The following SYT14 variants were observed in gnomAD, a reference collection of about 807,000 sequenced individuals.
SYT14 encodes the protein synaptotagmin-14.
A neutral mutation model predicts 74.2 loss-of-function variants in SYT14; 32 were observed. That is an observed-to-expected ratio of 0.43 (90% CI 0.33 to 0.58). SYT14 has a LOEUF of 0.58. SYT14 is among the 20% of genes least tolerant of loss of function. The pLI is 0.05. For synonymous variants in SYT14, 298 were observed against 337.7 expected (o/e 0.88, Z 1.29); for missense variants, 791 against 981.8 (o/e 0.81, Z 2.60).
chr1:210,125,586 C>T (rs550876257), intron 7 of SYT14, among the ~76,000 whole-genome samples: 1 of 152,234 alleles, frequency 6.6e-6, no homozygotes, highest in African/African-American at 2.4e-5. Context: ...TTTCAGTGTT[C>T]TAGGAGTCAT....
chr1:209,950,308 T>C (rs2078892178), intron 1 of SYT14, among the ~76,000 whole-genome samples: 1 of 152,188 alleles, frequency 6.6e-6, no homozygotes, highest in South Asian at 2.1e-4. Flanking sequence ...TAATACATTA[T>C]AGTTATGTTA....
chr1:210,106,579 C>T (rs570613831), intron 7 of SYT14, among the ~76,000 whole-genome samples: 1 of 152,138 alleles, frequency 6.6e-6, no homozygotes, highest in East Asian at 1.9e-4. Context: ...GGAGAAGTGC[C>T]AAGGAAAAGG....
chr1:210,094,121 T>C (rs2081926345), intron 5 of SYT14, among the ~76,000 whole-genome samples: 1 of 152,216 alleles, frequency 6.6e-6, no homozygotes, highest in East Asian at 1.9e-4. Flanking sequence ...AATCTTATTA[T>C]GCAGGAGGCA....
chr1:210,026,307 T>C (rs1032397937), intron 5 of SYT14, among the ~76,000 whole-genome samples: 1 of 152,128 alleles, frequency 6.6e-6, no homozygotes, highest in African/African-American at 2.4e-5. Flanking sequence ...ATTTAATTGA[T>C]GAGCTAGACC....
chr1:210,160,021 C>G (rs1469186953), intron 9 of SYT14, among the ~76,000 whole-genome samples: 1 of 152,112 alleles, frequency 6.6e-6, no homozygotes, highest in Non-Finnish European at 1.5e-5. Context: ...AAAAAACAAT[C>G]CTATAGTATT....
At chr1:209,980,377 T>G (rs1322595327) in intron 2 of SYT14, among the ~76,000 whole-genome samples, 1 of 152,202 alleles carries the variant, frequency 6.6e-6, no homozygotes, top group Non-Finnish European at 1.5e-5. Context: ...ATTGCAAAAT[T>G]TTCTCCTGTT....
At position 210,071,079 on chromosome 1, in the gene SYT14, A is replaced by G. The variant is rs141054490; in HGVS notation, c.1313-23243A>G. Among the ~76,000 whole-genome samples the G allele has an allele frequency of 5.3e-5, 8 of 151,734 alleles. No individual in the cohort carries two copies. In the East Asian group the frequency reaches 1.5e-3, roughly 29 times the overall value. ...AAGCCTAGTAATACCATTTTTTACT[A>G]TTTTTATGGTTTCTACTTAGAAACA... On this transcript the variant is annotated intron_variant, in intron 5 of 9. Coordinates refer to ENST00000637265, the Ensembl canonical transcript of SYT14.
chr1:209,986,640 A>G (rs1483450600), intron 2 of SYT14, among the ~76,000 whole-genome samples: 1 of 151,896 alleles, frequency 6.6e-6, no homozygotes. Context: ...CTTCCGCCAG[A>G]TACCTTAAAT....
At chr1:210,128,248 A>AT (rs1303614213) in intron 7 of SYT14, among the ~76,000 whole-genome samples, 2 of 151,390 alleles carry the variant, frequency 1.3e-5, no homozygotes, top group African/African-American at 2.4e-5. Context: ...ATGGTGACAC[A>AT]TGCCTGTGGT....
chr1:210,169,077 T>G (rs929629271), exon 10 of SYT14: 4 of 152,078 alleles, frequency 2.6e-5, no homozygotes, highest in Non-Finnish European at 5.9e-5. Flanking sequence ...ATTTTAAATT[T>G]TACAGGAAGC....
At chr1:210,078,953 C>G (rs1261598487) in intron 5 of SYT14, among the ~76,000 whole-genome samples, 1 of 151,796 alleles carries the variant, frequency 6.6e-6, no homozygotes, top group Non-Finnish European at 1.5e-5. Context: ...CGAGTTTTCA[C>G]CGTGTTTCCC....
intron 5 of SYT14, among the ~76,000 whole-genome samples, chr1:210,060,227 C>A (rs1024639925): frequency 6.6e-6 from 1 of 152,094 alleles, no homozygotes; most frequent in Non-Finnish European, 1.5e-5. Context: ...GTCACAGGCT[C>A]ACGTTTCCTT....
At chr1:210,021,207 T>C in exon 5 of SYT14, 2 of 1,614,068 alleles carry the variant, frequency 1.2e-6, no homozygotes, top group Non-Finnish European at 1.7e-6. Context: ...TACAGTCCTC[T>C]ATCGGCAGAG....
intron 5 of SYT14, among the ~76,000 whole-genome samples, chr1:210,068,102 A>G (rs149189550): frequency 6.6e-6 from 1 of 152,042 alleles, no homozygotes; most frequent in East Asian, 1.9e-4. Context: ...TATTGAATTA[A>G]GGAAATTCCC....
exon 4 of SYT14, chr1:210,015,983 T>C: frequency 8.1e-7 from 1 of 1,231,946 alleles, no homozygotes; most frequent in Non-Finnish European, 1.0e-6. Flanking sequence ...ATTGCACCTT[T>C]TAGGAACAAG....
intron 5 of SYT14, among the ~76,000 whole-genome samples, chr1:210,029,230 A>G (rs998620184): frequency 6.6e-6 from 1 of 151,962 alleles, no homozygotes; most frequent in Non-Finnish European, 1.5e-5. Flanking sequence ...GGCATTTTTT[A>G]CTCTATTGAT....
At chr1:209,998,768 T>C (rs774229897) in intron 2 of SYT14, among the ~76,000 whole-genome samples, 2 of 151,960 alleles carry the variant, frequency 1.3e-5, no homozygotes, top group African/African-American at 2.4e-5. Context: ...ACTGTACTCC[T>C]CTCTCACCAT....
intron 2 of SYT14, among the ~76,000 whole-genome samples, chr1:209,978,877 T>C (rs1409952733): frequency 6.6e-6 from 1 of 152,196 alleles, no homozygotes; most frequent in East Asian, 1.9e-4. Context: ...CAGGCCCCTT[T>C]GTTTACCTAC....
rs551150697 is a variant in SYT14, at chr1:210,055,793, G to A, written c.1312+34539G>A. Among the ~76,000 whole-genome samples, 8 of 150,988 alleles carry A rather than the reference G, an allele frequency of 5.3e-5. No homozygotes were observed. In the East Asian group the frequency reaches 1.2e-3, roughly 22 times the overall value. On this transcript the variant is annotated intron_variant, in intron 5 of 9. Coordinates refer to ENST00000637265, the Ensembl canonical transcript of SYT14. ...GAACTCGAAATTAAAAAAAAAAAAA[G>A]GATTGTCTCCCATATAAAAAGTTAA... is the stretch of plus-strand genomic sequence containing the variant.
Sources: allele counts gnomAD v4.1 joint callset (sites outside exome capture counted in the v4.1 genomes callset), GRCh38; gene constraint gnomAD v4.1.1; transcripts MANE v1.5; gene names NCBI Gene and HGNC (gene_info 2026-07-23, HGNC 2026-07-21).